Variants in MAPKAP1 observed in about 807,000 individuals in gnomAD.
MAPKAP1 encodes target of rapamycin complex 2 subunit MAPKAP1.
In MAPKAP1, 20 loss-of-function variants were observed where a neutral mutation model predicts 65.7. That is an observed-to-expected ratio of 0.30 (90% CI 0.21 to 0.44). The LOEUF is 0.44. Among genes scored for constraint, MAPKAP1 ranks in the 20% least tolerant of loss-of-function variants. The pLI, the probability that MAPKAP1 is intolerant of heterozygous loss-of-function variation, is 1.00. For synonymous variants in MAPKAP1, 222 were observed against 244.3 expected, an observed-to-expected ratio of 0.91 and a Z score of 0.85; for missense variants, 423 against 648.0, an observed-to-expected ratio of 0.65 and a Z score of 3.77.
chr9:125,669,482 A>G (rs1456689270), intron 3 of MAPKAP1, among the ~76,000 whole-genome samples: 1 of 152,122 alleles, frequency 6.6e-6, no homozygotes, highest in Non-Finnish European at 1.5e-5. Context: ...CACTATCTCA[A>G]AAAAAATAAT....
chr9:125,620,491 G>A (rs1445758416), intron 4 of MAPKAP1, among the ~76,000 whole-genome samples: 2 of 152,166 alleles, frequency 1.3e-5, no homozygotes, highest in Non-Finnish European at 2.9e-5. Context: ...CTTTGACCCA[G>A]CAATTCTGCT....
At chr9:125,443,722 T>G (rs1249324172) in intron 11 of MAPKAP1, among the ~76,000 whole-genome samples, 6 of 6,916 alleles carry the variant, frequency 8.7e-4, no homozygotes, top group Non-Finnish European at 1.8e-3. Context: ...CAGCCCCCCA[T>G]CCCCCTGTGC....
At chr9:125,633,628 G>A (rs1833348003) in intron 4 of MAPKAP1, among the ~76,000 whole-genome samples, 1 of 152,140 alleles carries the variant, frequency 6.6e-6, no homozygotes, top group Non-Finnish European at 1.5e-5. Context: ...GAAAAATGCA[G>A]AGGTAATTAT....
intron 1 of MAPKAP1, among the ~76,000 whole-genome samples, chr9:125,676,266 A>T (rs1008814754): frequency 2.8e-4 from 42 of 152,354 alleles, no homozygotes; most frequent in African/African-American, 9.4e-4. Context: ...TTCTAAGGAG[A>T]TAATTGTGTA....
At chr9:125,487,326 T>C (rs1854527858) in intron 8 of MAPKAP1, among the ~76,000 whole-genome samples, 2 of 94,530 alleles carry the variant, frequency 2.1e-5, no homozygotes, top group South Asian at 6.4e-4. Flanking sequence ...AAATAATCAT[T>C]CACTTTTTCC....
rs373989690 is a variant in MAPKAP1 at position 125,567,203 on chromosome 9, G to A, written c.672-7394C>T. 3.3e-5 allele frequency among the ~76,000 whole-genome samples: 5 copies of A among 152,192 alleles called. No homozygotes were observed. In the East Asian group the frequency reaches 5.8e-4, roughly 18 times the overall value. On this transcript the variant is annotated intron_variant, in intron 5 of 11. Coordinates refer to ENST00000265960, the MANE Select transcript of MAPKAP1 (RefSeq NM_001006617.3). ...CTCTCGGTCTCATTCTGTCAAAGGC[G>A]TGTGAGTCAGAGCAACTCCATCTTA...
intron 7 of MAPKAP1, among the ~76,000 whole-genome samples, chr9:125,517,234 T>C (rs936400826): frequency 2.0e-4 from 30 of 152,182 alleles, no homozygotes; most frequent in African/African-American, 7.0e-4. Context: ...AGATGATTTA[T>C]CAGTTCAGAA....
intron 5 of MAPKAP1, among the ~76,000 whole-genome samples, chr9:125,566,308 T>C (rs1192109333): frequency 6.6e-6 from 1 of 152,224 alleles, no homozygotes; most frequent in Non-Finnish European, 1.5e-5. Flanking sequence ...CTCACACCTA[T>C]AATCCTAGCA....
In MAPKAP1 at chr9:125,444,470, C is replaced by T. The variant is rs189039134; in HGVS notation, c.1443+31G>A. On this transcript the variant is annotated intron_variant, in intron 11 of 11. Transcript: ENST00000265960. ...CCTGAAGAGAAGCTGGACCCACCTA[C>T]CCTGTCTCTGGTTCAAGAAGGAATA... 1,229 of 1,546,710 alleles carry T rather than the reference C, an allele frequency of 7.9e-4. 1 individual carries two copies. Among genetic ancestry groups the T allele is most frequent in the South Asian group, 1.9e-3 (165 of 88,318 alleles).
intron 1 of MAPKAP1, among the ~76,000 whole-genome samples, chr9:125,694,573 G>A (rs1835327927): frequency 6.6e-6 from 1 of 152,136 alleles, no homozygotes; most frequent in African/African-American, 2.4e-5. Context: ...AAACACTACA[G>A]AGAAAATGTA....
At chr9:125,444,663 G>T in intron 10 of MAPKAP1, 65 bp from the exon 11 acceptor site, 3 of 1,091,206 alleles carry the variant, frequency 2.7e-6, no homozygotes, top group Non-Finnish European at 4.1e-6. Flanking sequence ...GCCTCCATAT[G>T]TTCTCCCCTA....
intron 5 of MAPKAP1, among the ~76,000 whole-genome samples, chr9:125,560,793 A>G (rs1830870120): frequency 2.0e-5 from 3 of 152,146 alleles, no homozygotes; most frequent in Non-Finnish European, 4.4e-5. Flanking sequence ...GGTCCTCTTG[A>G]CTACTTCTGC....
At chr9:125,572,939 C>T (rs1251798183) in intron 5 of MAPKAP1, 2 of 152,050 alleles carry the variant, frequency 1.3e-5, no homozygotes, top group Non-Finnish European at 2.9e-5. Context: ...TGGACCTTAC[C>T]ATACTGATGC....
chr9:125,559,313 G>A (rs775639188), intron 6 of MAPKAP1: 60 of 188,668 alleles, frequency 3.2e-4, no homozygotes, highest in Non-Finnish European at 3.8e-4. Flanking sequence ...TGTATTCCTC[G>A]CAGAGAAGGT....
intron 7 of MAPKAP1, among the ~76,000 whole-genome samples, chr9:125,514,045 C>G (rs928253436): frequency 2.6e-5 from 4 of 152,206 alleles, no homozygotes; most frequent in Non-Finnish European, 5.9e-5. Context: ...ACACGTGACG[C>G]TGGGTCTGAG....
At chr9:125,548,302 G>A (rs1224481539) in intron 6 of MAPKAP1, among the ~76,000 whole-genome samples, 1 of 152,224 alleles carries the variant, frequency 6.6e-6, no homozygotes, top group African/African-American at 2.4e-5. Flanking sequence ...AGTCACAAAG[G>A]TGGAGGCAAG....
At chr9:125,544,662 A>G (rs1372619379) in intron 6 of MAPKAP1, among the ~76,000 whole-genome samples, 1 of 152,216 alleles carries the variant, frequency 6.6e-6, no homozygotes, top group Non-Finnish European at 1.5e-5. Context: ...CCAAGTTTCC[A>G]ACTATGGAAC....
intron 7 of MAPKAP1, among the ~76,000 whole-genome samples, chr9:125,537,949 A>G (rs922873570): frequency 1.3e-5 from 2 of 152,052 alleles, no homozygotes; most frequent in East Asian, 3.9e-4. Context: ...GCACCTCCCC[A>G]TGGCCTTGAG....
At chr9:125,505,234 A>G (rs1829103917) in intron 8 of MAPKAP1, among the ~76,000 whole-genome samples, 3 of 152,122 alleles carry the variant, frequency 2.0e-5, no homozygotes, top group Non-Finnish European at 4.4e-5. Context: ...GATAGAGACC[A>G]TAGAAACGGT....
Sources: allele counts gnomAD v4.1 joint callset (sites outside exome capture counted in the v4.1 genomes callset), GRCh38; gene constraint gnomAD v4.1.1; transcripts MANE v1.5; gene names NCBI Gene and HGNC (gene_info 2026-07-23, HGNC 2026-07-21).